Variants in RASA3 observed in about 807,000 individuals in gnomAD.
The protein encoded by RASA3 is ras GTPase-activating protein 3.
RASA3 carries 73 observed loss-of-function variants against 110.0 expected under a neutral mutation model. That is an observed-to-expected ratio of 0.66 (90% CI 0.55 to 0.81). The LOEUF (loss-of-function observed/expected upper bound fraction) is 0.81, where lower values mean the gene tolerates loss of function less well. Among genes scored for constraint, RASA3 ranks in the 30% least tolerant of loss-of-function variants. The pLI is 0.00. For missense variants in RASA3, 976 were observed against 1,113.2 expected (o/e 0.88, Z 1.75); for synonymous variants, 500 against 451.4 (o/e 1.11, Z -1.37).
At chr13:114,070,592 C>T (rs61973920) in intron 2 of RASA3, among the ~76,000 whole-genome samples, 46 of 151,198 alleles carry the variant, frequency 3.0e-4, no homozygotes, top group African/African-American at 1.1e-3. Flanking sequence ...GGGCTGCCAG[C>T]GTCCACACTA....
At chr13:114,127,679 A>G (rs763452305) in intron 1 of RASA3, among the ~76,000 whole-genome samples, 137 of 152,348 alleles carry the variant, frequency 9.0e-4, no homozygotes, top group Admixed American at 1.8e-3. Flanking sequence ...AAGTTGAAGC[A>G]GGAAGATCCC....
intron 1 of RASA3, among the ~76,000 whole-genome samples, chr13:114,095,979 A>T (rs1419896604): frequency 6.6e-6 from 1 of 152,270 alleles, no homozygotes; most frequent in East Asian, 1.9e-4. Context: ...CCTCTTTGGT[A>T]CTACAAGCTA....
rs771687637 is a variant in RASA3, at chr13:114,096,310, C to T, written c.56-22473G>A. ...CGGGTCTGAGAGCTGCTCACCGACC[C>T]ATGCCTCCTCTAGCAAATCGCCTCT... is the stretch of plus-strand genomic sequence containing the variant. On this transcript the variant is annotated intron_variant, in intron 1 of 23. Coordinates refer to ENST00000334062, the MANE Select transcript of RASA3 (RefSeq NM_007368.4). The surrounding 1 kb of genome is among the most constrained non-coding windows in gnomAD (Gnocchi z 5.1). Among the ~76,000 whole-genome samples, 25 of 152,196 alleles carry T rather than the reference C, an allele frequency of 1.6e-4. No individual in the cohort carries two copies. Among genetic ancestry groups the T allele is most frequent in the Non-Finnish European group, 2.8e-4 (19 of 68,022 alleles).
intron 1 of RASA3, among the ~76,000 whole-genome samples, chr13:114,089,301 G>T (rs927128655): frequency 7.4e-5 from 11 of 148,284 alleles, no homozygotes; most frequent in Admixed American, 7.3e-4. Flanking sequence ...CGGGGAGGAG[G>T]GGGGGAGGAG....
At chr13:114,092,002 C>G (rs1244798711) in intron 1 of RASA3, among the ~76,000 whole-genome samples, 3 of 151,798 alleles carry the variant, frequency 2.0e-5, no homozygotes, top group Admixed American at 6.6e-5. Flanking sequence ...CTTTGTATTT[C>G]TGTGCTATCA....
intron 1 of RASA3, among the ~76,000 whole-genome samples, chr13:114,103,262 G>A (rs1308719063): frequency 6.6e-6 from 1 of 152,092 alleles, no homozygotes; most frequent in Non-Finnish European, 1.5e-5. Flanking sequence ...CGGGAGAGAT[G>A]CCCAAGAGAC....
intron 5 of RASA3, among the ~76,000 whole-genome samples, chr13:114,028,800 G>T (rs372485315): frequency 1.7e-5 from 1 of 60,088 alleles, no homozygotes. Flanking sequence ...CTAAAACGGC[G>T]TCATCCTGGG....
At position 113,999,608 on chromosome 13, in the gene RASA3, C is replaced by G. The variant is rs1163270879; in HGVS notation, c.1909G>C (p.Glu637Gln). ...ACGTTTTTCATTTTGAAAGACTCCTCCTCCAGCTTCTCCACTGCCAGGATG... is the reference window on the plus strand; with the variant it reads ...ACGTTTTTCATTTTGAAAGACTCCTGCTCCAGCTTCTCCACTGCCAGGATG... ...ENILAVEKLEEESFKMKNMFQ... is the reference protein window; with the variant it reads ...ENILAVEKLEQESFKMKNMFQ... Residue 637 changes from glutamate (E) to glutamine (Q), a missense_variant, in exon 20 of 24, where the codon GAG becomes CAG. Around this residue, in one of 4 missense-constraint regions of RASA3, gnomAD observed 109 missense variants for 162.5 expected, o/e 0.67. Transcript: ENST00000334062. 1 of 1,613,196 alleles carries G rather than the reference C, an allele frequency of 6.2e-7. No individual in the cohort carries two copies. Among genetic ancestry groups the G allele is most frequent in the Non-Finnish European group, 8.5e-7 (1 of 1,179,844 alleles).
At chr13:114,000,769 A>G (rs2053375821) in intron 19 of RASA3, 57 bp downstream of exon 19, 1 of 1,284,284 alleles carries the variant, frequency 7.8e-7, no homozygotes, top group Non-Finnish European at 1.1e-6. Context: ...AAGCAGACTC[A>G]GTCCCAGGGC....
At chr13:114,037,172 G>A (rs544120748) in intron 4 of RASA3, among the ~76,000 whole-genome samples, 3 of 152,252 alleles carry the variant, frequency 2.0e-5, no homozygotes, top group South Asian at 2.1e-4. Flanking sequence ...ATCAACCTGC[G>A]GCATTCTTAT....
At chr13:114,013,050 C>A (rs1239612489) in intron 15 of RASA3, 92 bp downstream of exon 15, 8 of 1,020,614 alleles carry the variant, frequency 7.8e-6, no homozygotes, top group African/African-American at 3.2e-5. Flanking sequence ...ACACTCCACA[C>A]GGTCGGCCCC....
At chr13:114,053,586 C>T (rs565769331) in intron 2 of RASA3, among the ~76,000 whole-genome samples, 4 of 152,360 alleles carry the variant, frequency 2.6e-5, no homozygotes, top group African/African-American at 4.8e-5. Context: ...CAGTCACCAA[C>T]GGCACAGGCC....
chr13:114,009,819 C>T (rs889093094), intron 16 of RASA3, among the ~76,000 whole-genome samples: 3 of 152,228 alleles, frequency 2.0e-5, no homozygotes, highest in Non-Finnish European at 4.4e-5. Context: ...AGTCATAGGC[C>T]AGGGTCCCAG....
At chr13:114,104,042 G>A (rs946189758) in intron 1 of RASA3, among the ~76,000 whole-genome samples, 1 of 46,960 alleles carries the variant, frequency 2.1e-5, no homozygotes, top group Admixed American at 2.6e-4. Context: ...ACCCACCCCC[G>A]ATGCGTCCAT....
chr13:114,132,337 C>T, intron 1 of RASA3, 98 bp downstream of exon 1: 1 of 1,269,174 alleles, frequency 7.9e-7, no homozygotes, highest in South Asian at 1.9e-5. Context: ...GGCGTCTCCG[C>T]CGGGGTCCCC....
rs1388527752 is a variant in RASA3, at chr13:113,979,183, G to C, written c.*164C>G. The C allele has an allele frequency of 3.1e-6, 2 of 652,158 alleles. No individual in the cohort carries two copies. Among genetic ancestry groups the C allele is most frequent in the Non-Finnish European group, 5.4e-6 (2 of 371,624 alleles). The allele number at this position is 652,158 out of a possible 1,614,324, so 40.4% of individuals were successfully genotyped here. On this transcript the variant is annotated 3_prime_UTR_variant, in exon 24 of 24. Coordinates refer to ENST00000334062, the MANE Select transcript of RASA3 (RefSeq NM_007368.4). Reference sequence around the variant, plus strand: ...TTTCTGCGGAGGGCGTGGCGGTGGTGGCAGCGGTTCTGGGAGAGGGAAACC... The same window carrying C: ...TTTCTGCGGAGGGCGTGGCGGTGGTCGCAGCGGTTCTGGGAGAGGGAAACC...
chr13:114,097,452 A>G (rs2139722916), intron 1 of RASA3, among the ~76,000 whole-genome samples: 1 of 152,348 alleles, frequency 6.6e-6, no homozygotes, highest in South Asian at 2.1e-4. Flanking sequence ...TCGCTGCTAC[A>G]TGAGACAGAA....
chr13:114,074,851 G>A (rs2079640838), intron 1 of RASA3, among the ~76,000 whole-genome samples: 2 of 152,264 alleles, frequency 1.3e-5, no homozygotes, highest in African/African-American at 4.8e-5. Flanking sequence ...TCTGCTGGAA[G>A]CTCGGAGCAT....
intron 1 of RASA3, chr13:114,077,890 T>G (rs945005559): frequency 2.6e-5 from 26 of 981,990 alleles, no homozygotes; most frequent in African/African-American, 1.6e-4. Context: ...AAAAAAAAAG[T>G]GGGGGGACAA....
Sources: gnomAD v4.1 joint callset for allele counts (sites outside exome capture counted in the v4.1 genomes callset) on GRCh38, gnomAD v4.1.1 for gene constraint, gnomAD v4.1.1 regional missense constraint, Gnocchi (gnomAD v3.1) non-coding constraint, MANE v1.5 for transcripts, NCBI Gene and HGNC (gene_info 2026-07-23, HGNC 2026-07-21) for gene names.